Variants in ARHGAP20 observed in about 807,000 individuals in gnomAD.
ARHGAP20 encodes Rho GTPase activating protein 20.
Under a neutral mutation model 73.7 loss-of-function variants are expected in ARHGAP20, and 34 were observed. The observed-to-expected ratio is 0.46, with a 90% CI of 0.35 to 0.61. The LOEUF (loss-of-function observed/expected upper bound fraction) is 0.61. Among genes scored for constraint, ARHGAP20 ranks in the 20% least tolerant of loss-of-function variants. The probability of loss-of-function intolerance (pLI) is 0.00; values close to 1 mark genes in which losing one functional copy is unlikely to be tolerated. For synonymous variants in ARHGAP20, 523 were observed against 518.2 expected (o/e 1.01, Z -0.13); for missense variants, 1,314 against 1,420.9 (o/e 0.92, Z 1.21).
intron 4 of ARHGAP20, among the ~76,000 whole-genome samples, chr11:110,616,096 G>C (rs536593959): frequency 6.6e-6 from 1 of 151,908 alleles, no homozygotes; most frequent in East Asian, 1.9e-4. Flanking sequence ...AGAGAAATTT[G>C]GCATGTGAAT....
At chr11:110,671,015 T>C (rs1020055465) in intron 2 of ARHGAP20, among the ~76,000 whole-genome samples, 1 of 152,056 alleles carries the variant, frequency 6.6e-6, no homozygotes, top group East Asian at 1.9e-4. Context: ...AATCTGAATA[T>C]AGTATGACCT....
intron 8 of ARHGAP20, among the ~76,000 whole-genome samples, chr11:110,607,601 C>T (rs1389265542): frequency 6.6e-6 from 1 of 152,086 alleles, no homozygotes; most frequent in Non-Finnish European, 1.5e-5. Flanking sequence ...CTTACTCTTC[C>T]TTTTCAGCTG....
At chr11:110,607,563 CTT>C (rs968000362) in intron 8 of ARHGAP20, among the ~76,000 whole-genome samples, 1 of 152,094 alleles carries the variant, frequency 6.6e-6, no homozygotes, top group Admixed American at 6.6e-5. Flanking sequence ...CTATTCCTGA[CTT>C]ATCACTAAAT....
At chr11:110,662,602 T>C (rs1458157574) in intron 2 of ARHGAP20, among the ~76,000 whole-genome samples, 1 of 151,966 alleles carries the variant, frequency 6.6e-6, no homozygotes, top group East Asian at 1.9e-4. Context: ...TTATGTGATA[T>C]TTTAATTCCT....
chr11:110,588,062 A>C (rs192076715), intron 11 of ARHGAP20, among the ~76,000 whole-genome samples: 13 of 152,204 alleles, frequency 8.5e-5, no homozygotes, highest in Non-Finnish European at 1.5e-4. Flanking sequence ...TCTGTCTTGA[A>C]GAAAAACATC....
chr11:110,690,342 A>G (rs1275277404), intron 2 of ARHGAP20, among the ~76,000 whole-genome samples: 1 of 152,202 alleles, frequency 6.6e-6, no homozygotes, highest in Non-Finnish European at 1.5e-5. Context: ...TCACTTTTGA[A>G]TCAGTTTTAA....
At chr11:110,652,846 A>G (rs916088869) in intron 2 of ARHGAP20, among the ~76,000 whole-genome samples, 2 of 152,176 alleles carry the variant, frequency 1.3e-5, no homozygotes, top group African/African-American at 4.8e-5. Flanking sequence ...TAACCAAAAC[A>G]GTATGGTACT....
rs569617782 is a variant in ARHGAP20, at chr11:110,704,141, C to T, written c.105+7986G>A. 1.5e-3 allele frequency among the ~76,000 whole-genome samples: 225 copies of T among 152,274 alleles called. 1 individual carries two copies. Among genetic ancestry groups the T allele is most frequent in the African/African-American group, 5.1e-3 (211 of 41,560 alleles). On this transcript the variant is annotated intron_variant, in intron 1 of 14. Coordinates refer to ENST00000683387, the MANE Select transcript of ARHGAP20 (RefSeq NM_001384657.1). ...CAAATGAGAATAAAAAGCAGATCCA[C>T]GTCTATCTAGATTCAGACATAGTGT... is the stretch of plus-strand genomic sequence containing the variant.
intron 4 of ARHGAP20, among the ~76,000 whole-genome samples, chr11:110,622,049 T>A (rs998561322): frequency 6.6e-6 from 1 of 152,240 alleles, no homozygotes; most frequent in African/African-American, 2.4e-5. Flanking sequence ...TGTTTATACA[T>A]AGAATTTGGA....
chr11:110,694,774 G>C (rs977408470), intron 1 of ARHGAP20, among the ~76,000 whole-genome samples: 1 of 151,460 alleles, frequency 6.6e-6, no homozygotes, highest in Admixed American at 6.6e-5. Context: ...CTCCTCTGTA[G>C]CAAGCATATT....
At chr11:110,665,047 C>T (rs1377077161) in intron 2 of ARHGAP20, among the ~76,000 whole-genome samples, 1 of 151,918 alleles carries the variant, frequency 6.6e-6, no homozygotes, top group Non-Finnish European at 1.5e-5. Context: ...AAATTAAGAA[C>T]TAATAACAGA....
chr11:110,657,753 G>A (rs1016047525), intron 2 of ARHGAP20, among the ~76,000 whole-genome samples: 1 of 151,974 alleles, frequency 6.6e-6, no homozygotes. Flanking sequence ...AAATTAGCCC[G>A]GTGTGGTGGC....
At chr11:110,605,739 A>G (rs1366348471) in intron 9 of ARHGAP20, among the ~76,000 whole-genome samples, 1 of 152,236 alleles carries the variant, frequency 6.6e-6, no homozygotes, top group East Asian at 1.9e-4. Context: ...AGTGGCAGGA[A>G]GGTAGCCTCA....
At chr11:110,646,141 A>C (rs1042019212) in intron 2 of ARHGAP20, among the ~76,000 whole-genome samples, 1 of 152,162 alleles carries the variant, frequency 6.6e-6, no homozygotes, top group Non-Finnish European at 1.5e-5. Flanking sequence ...AAAATCACCT[A>C]ATAACTCCTA....
chr11:110,681,446 C>T lies in ARHGAP20; in HGVS notation c.188+9101G>A, dbSNP rs547637344. Among the ~76,000 whole-genome samples the T allele has an allele frequency of 1.7e-4, 26 of 152,186 alleles. No homozygotes were observed. In the South Asian group the frequency reaches 4.6e-3, roughly 27 times the overall value. On this transcript the variant is annotated intron_variant, in intron 2 of 14. Coordinates refer to ENST00000683387, the MANE Select transcript of ARHGAP20 (RefSeq NM_001384657.1). ...AGCATGAGAGTGGCCTTTATGAGGT[C>T]GTTGAGTTCATTCCCATTACTATAT... is the stretch of plus-strand genomic sequence containing the variant.
At chr11:110,631,213 T>C (rs568667640) in intron 2 of ARHGAP20, among the ~76,000 whole-genome samples, 98 of 152,316 alleles carry the variant, frequency 6.4e-4, no homozygotes, top group African/African-American at 2.2e-3. Flanking sequence ...CAAATTTACA[T>C]ACAACAAAAT....
chr11:110,672,569 C>T lies in ARHGAP20; in HGVS notation c.188+17978G>A, dbSNP rs376627392. Among the ~76,000 whole-genome samples the T allele has an allele frequency of 5.9e-5, 9 of 152,182 alleles. No individual in the cohort carries two copies. In the South Asian group the frequency reaches 8.3e-4, roughly 14 times the overall value. On this transcript the variant is annotated intron_variant, in intron 2 of 14. Transcript: ENST00000683387. ...AAACGATTCTCCCACCTCAGCCTCC[C>T]GAGTAGCTGGGACTACAAGCATGCA...
In ARHGAP20 at chr11:110,579,191, A is replaced by G. The variant is rs1329752325; in HGVS notation, c.*179T>C. Reference sequence around the variant, plus strand: ...CAAACACTTAGGTGACAAAATTTTTAGCATAAAGTATTTGTCAAGTAGTCT... The same window carrying G: ...CAAACACTTAGGTGACAAAATTTTTGGCATAAAGTATTTGTCAAGTAGTCT... On this transcript the variant is annotated 3_prime_UTR_variant, in exon 15 of 15. Transcript: ENST00000683387. 3 of 1,292,622 alleles carry G rather than the reference A, an allele frequency of 2.3e-6. No homozygotes were observed. Among genetic ancestry groups the G allele is most frequent in the Non-Finnish European group, 2.9e-6 (3 of 1,017,908 alleles). The allele number at this position is 1,292,622 out of a possible 1,614,324, so 80.1% of individuals were successfully genotyped here.
intron 3 of ARHGAP20, among the ~76,000 whole-genome samples, 185 bp from the exon 4 acceptor site, chr11:110,624,496 A>G (rs1205009389): frequency 6.6e-6 from 1 of 150,668 alleles, no homozygotes; most frequent in Non-Finnish European, 1.5e-5. Context: ...GGGGAATAAC[A>G]CATACCAGGG....
Sources: allele counts gnomAD v4.1 joint callset (sites outside exome capture counted in the v4.1 genomes callset), GRCh38; gene constraint gnomAD v4.1.1; transcripts MANE v1.5; gene names NCBI Gene and HGNC (gene_info 2026-07-23, HGNC 2026-07-21).